The following RYR3 variants were observed in gnomAD, a reference collection of about 807,000 sequenced individuals.
The protein encoded by RYR3 is brain ryanodine receptor-calcium release channel.
Under a neutral mutation model 584.3 loss-of-function variants are expected in RYR3, and 207 were observed. The observed-to-expected ratio is 0.35, with a 90% confidence interval of 0.32 to 0.40. RYR3 has a LOEUF of 0.40. Ranked by LOEUF, RYR3 falls within the 10% of genes least tolerant of loss-of-function variation. The pLI is 1.00. For missense variants in RYR3, 5,616 were observed against 6,089.2 expected, an observed-to-expected ratio of 0.92 and a Z score of 2.59; for synonymous variants, 2,416 against 2,248.5, an observed-to-expected ratio of 1.07 and a Z score of -2.11.
chr15:33,608,910 T>A (rs1295735937), intron 18 of RYR3, among the ~76,000 whole-genome samples: 1 of 152,206 alleles, frequency 6.6e-6, no homozygotes, highest in South Asian at 2.1e-4. Context: ...CTCCCAGCCA[T>A]ATTTCCTCTG....
rs761472822 is a variant in RYR3, at chr15:33,818,595, AGAG to A, written c.10629_10631del (p.Glu3545del). 11 of 1,608,312 alleles carry A rather than the reference AGAG, an allele frequency of 6.8e-6. No individual in the cohort carries two copies. The highest frequency in any genetic ancestry group is 1.3e-5 in the African/African-American group (1 of 74,876). ...TTGTGTAGAAATCTCCAAAGGTGGA[AGAG>A]GAGGAGGAGGAAGAGACAGAAAAAC... On this transcript the variant is annotated inframe_deletion, in exon 76 of 104. Transcript: ENST00000634891.
chr15:33,574,325 G>C (rs142207222), intron 12 of RYR3, among the ~76,000 whole-genome samples: 24 of 152,260 alleles, frequency 1.6e-4, no homozygotes, highest in African/African-American at 5.5e-4. Context: ...CCCTGGAACT[G>C]GACCAAAATA....
At chr15:33,479,762 T>C (rs148299514) in intron 2 of RYR3, among the ~76,000 whole-genome samples, 15 of 152,284 alleles carry the variant, frequency 9.9e-5, no homozygotes, top group Admixed American at 1.3e-4. Flanking sequence ...TATTACTCCA[T>C]GTAATTAGAC....
chr15:33,766,469 T>G (rs537921029), intron 60 of RYR3, among the ~76,000 whole-genome samples: 1 of 152,314 alleles, frequency 6.6e-6, no homozygotes, highest in South Asian at 2.1e-4. Flanking sequence ...GATGCACCAG[T>G]GTGTTTTGTA....
intron 19 of RYR3, among the ~76,000 whole-genome samples, chr15:33,620,454 T>G (rs1244508777): frequency 6.6e-6 from 1 of 152,220 alleles, no homozygotes; most frequent in Non-Finnish European, 1.5e-5. Flanking sequence ...ATATACTACA[T>G]AGTTGACTCA....
At chr15:33,690,980 G>A (rs7168875) in intron 38 of RYR3, among the ~76,000 whole-genome samples, 1 of 152,212 alleles carries the variant, frequency 6.6e-6, no homozygotes, top group African/African-American at 2.4e-5. Flanking sequence ...TTAATTGAAG[G>A]CAGCTGGATT....
chr15:33,738,883 T>C (rs1352053354), intron 50 of RYR3, among the ~76,000 whole-genome samples: 2 of 152,218 alleles, frequency 1.3e-5, no homozygotes, highest in South Asian at 2.1e-4. Flanking sequence ...TGTCAGTCTT[T>C]GATGTCTTAC....
intron 67 of RYR3, among the ~76,000 whole-genome samples, chr15:33,794,348 A>AATATATATATGT (rs2075447601): frequency 1.7e-5 from 1 of 58,338 alleles, no homozygotes; most frequent in Non-Finnish European, 3.8e-5. Context: ...TATATATAAA[A>AATATATATATGT]ATATATATAT....
In RYR3 at chr15:33,550,215, A is replaced by C. The variant is rs1453104274; in HGVS notation, c.871A>C (p.Thr291Pro). ...GQAFRLRHLT[T>P]GHYLALTEDQ... ...GGCTTTCCGACTCCGGCATCTCACCACAGGCCACTACCTGGCCTTGACAGA... is the reference window on the plus strand; with the variant it reads ...GGCTTTCCGACTCCGGCATCTCACCCCAGGCCACTACCTGGCCTTGACAGA... Residue 291 changes from threonine to proline, a missense_variant, in exon 10 of 104, where the codon ACA becomes CCA. Coordinates refer to ENST00000634891, the MANE Select transcript of RYR3 (RefSeq NM_001036.6). 1 of 1,613,660 alleles carries C rather than the reference A, an allele frequency of 6.2e-7. No individual in the cohort carries two copies. The highest frequency in any genetic ancestry group is 8.5e-7 in the Non-Finnish European group (1 of 1,179,794).
chr15:33,675,552 G>A (rs1485545597), intron 38 of RYR3, among the ~76,000 whole-genome samples: 1 of 152,180 alleles, frequency 6.6e-6, no homozygotes, highest in African/African-American at 2.4e-5. Flanking sequence ...CTAGTCTTAA[G>A]TTATTAACTT....
chr15:33,501,572 A>G (rs1035760306), intron 2 of RYR3, among the ~76,000 whole-genome samples: 10 of 152,220 alleles, frequency 6.6e-5, no homozygotes, highest in African/African-American at 2.4e-4. Flanking sequence ...ATGAATTGGA[A>G]GAGGAAGAAA....
At chr15:33,817,923 C>T (rs1412018973) in intron 75 of RYR3, among the ~76,000 whole-genome samples, 1 of 152,196 alleles carries the variant, frequency 6.6e-6, no homozygotes, top group East Asian at 1.9e-4. Flanking sequence ...TCACTTTTAC[C>T]TCTGACATTA....
rs144494571 is a variant in RYR3, at chr15:33,698,688, G to A, written c.6249+692G>A. 1.4e-4 allele frequency among the ~76,000 whole-genome samples: 21 copies of A among 152,274 alleles called. No homozygotes were observed. In the East Asian group the frequency reaches 3.5e-3, roughly 25 times the overall value. ...CAGTGCTACTGGGGAGGGGGTGGGT[G>A]TGTAGAAGGAACAGAAGCCAGGGTC... On this transcript the variant is annotated intron_variant, in intron 40 of 103. Transcript: ENST00000634891.
chr15:33,591,308 A>G (rs1054144883), intron 16 of RYR3, among the ~76,000 whole-genome samples: 8 of 152,148 alleles, frequency 5.3e-5, no homozygotes, highest in African/African-American at 1.9e-4. Flanking sequence ...AATTGTTCCA[A>G]TCTGCCTTCT....
At position 33,632,953 on chromosome 15, in the gene RYR3, A is replaced by G. The variant is rs780712251; in HGVS notation, c.2872A>G (p.Met958Val). The G allele has an allele frequency of 1.9e-5, 30 of 1,611,590 alleles. No individual in the cohort carries two copies. Among genetic ancestry groups the G allele is most frequent in the Middle Eastern group, 1.6e-4 (1 of 6,072 alleles). The change falls in exon 24 of 104, where the codon ATG (methionine) becomes GTG (valine). Residue 958 changes from methionine to valine, a missense_variant. By Grantham distance (21) the Met-to-Val change is conservative (BLOSUM62 1). Transcript: ENST00000634891. ...TACTTTTACATTTACTTGTAGCTAT[A>G]TGATGTCCAACGGCTATAAGCCAGC... is the stretch of plus-strand genomic sequence containing the variant. ...LKKVKLPKNY[M>V]MSNGYKPAPL...
At chr15:33,848,968 T>G (rs2078910266) in intron 94 of RYR3, 1 of 151,896 alleles carries the variant, frequency 6.6e-6, no homozygotes, top group South Asian at 2.1e-4. Flanking sequence ...CCCGAGTAGC[T>G]GGGACTACAG....
At chr15:33,611,595 T>C (rs1248559591) in intron 18 of RYR3, among the ~76,000 whole-genome samples, 1 of 151,828 alleles carries the variant, frequency 6.6e-6, no homozygotes, top group Non-Finnish European at 1.5e-5. Flanking sequence ...ATAAAATATA[T>C]ATAACTCCAT....
At chr15:33,323,140 C>T (rs1378426562) in intron 1 of RYR3, among the ~76,000 whole-genome samples, 3 of 151,918 alleles carry the variant, frequency 2.0e-5, no homozygotes, top group African/African-American at 4.8e-5. Flanking sequence ...GAGACAGAGT[C>T]TCACTCTGTC....
At chr15:33,640,744 C>G (rs374511418) in intron 27 of RYR3, among the ~76,000 whole-genome samples, 4 of 152,320 alleles carry the variant, frequency 2.6e-5, no homozygotes, top group East Asian at 1.9e-4. Context: ...CTTCCTGGGA[C>G]AAGAACTTCT....
Sources: allele counts gnomAD v4.1 joint callset (sites outside exome capture counted in the v4.1 genomes callset), GRCh38; gene constraint gnomAD v4.1.1; transcripts MANE v1.5; gene names NCBI Gene and HGNC (gene_info 2026-07-23, HGNC 2026-07-21).